Variants in CCDC180 observed in about 807,000 individuals in gnomAD.
CCDC180 encodes the protein coiled-coil domain containing 180.
CCDC180 carries 154 observed loss-of-function variants against 209.2 expected under a neutral mutation model. That is an observed-to-expected ratio of 0.74 (90% CI 0.65 to 0.84). CCDC180 has a LOEUF of 0.84. Among genes scored for constraint, CCDC180 ranks in the 40% least tolerant of loss-of-function variants. The probability of loss-of-function intolerance (pLI) is 0.00; values close to 1 mark genes in which losing one functional copy is unlikely to be tolerated. For missense variants in CCDC180, 1,874 were observed against 1,997.3 expected, an observed-to-expected ratio of 0.94 and a Z score of 1.18; for synonymous variants, 778 against 749.1, an observed-to-expected ratio of 1.04 and a Z score of -0.63.
At chr9:97,307,639 C>A, upstream of CCDC180, 2 of 1,172,256 alleles carry the variant, frequency 1.7e-6, no homozygotes, top group South Asian at 1.3e-5. Context: ...CATTAGAGTT[C>A]CAGTCCCAAC....
intron 22 of CCDC180, among the ~76,000 whole-genome samples, chr9:97,351,610 A>G (rs1012422560): frequency 2.6e-5 from 4 of 152,220 alleles, no homozygotes; most frequent in Non-Finnish European, 5.9e-5. Context: ...CAGATTGTAT[A>G]TAAAGTACAA....
At position 97,314,747 on chromosome 9, in the gene CCDC180, G is replaced by C. The variant is rs1209064992; in HGVS notation, c.699+19G>C. ...CGATAAAGTAAGTCGGCTGCAGGTG[G>C]GCTGTGTGGTGACTGTCACTTGCCG... On this transcript the variant is annotated intron_variant, in intron 7 of 36. Coordinates refer to ENST00000529487, the MANE Select transcript of CCDC180 (RefSeq NM_020893.6). 1 of 1,610,360 alleles carries C rather than the reference G, an allele frequency of 6.2e-7. No homozygotes were observed. Among genetic ancestry groups the C allele is most frequent in the South Asian group, 1.1e-5 (1 of 90,878 alleles).
chr9:97,314,225 C>T (rs1833081254), intron 5 of CCDC180, among the ~76,000 whole-genome samples, 168 bp from the exon 6 acceptor site: 1 of 152,220 alleles, frequency 6.6e-6, no homozygotes, highest in South Asian at 2.1e-4. Context: ...CAGCGCAGAG[C>T]GTGTGGCGTG....
chr9:97,368,114 G>A (rs1244745090), intron 31 of CCDC180, among the ~76,000 whole-genome samples: 2 of 152,136 alleles, frequency 1.3e-5, no homozygotes, highest in Admixed American at 6.5e-5. Context: ...CCTGCAGCTT[G>A]GCAGGCTAAT....
chr9:97,347,319 G>A lies in CCDC180; in HGVS notation c.2504G>A (p.Arg835Gln), dbSNP rs1030940558. The A allele has an allele frequency of 6.5e-6, 10 of 1,535,806 alleles. No homozygotes were observed. Among genetic ancestry groups the A allele is most frequent in the South Asian group, 2.4e-5 (2 of 84,026 alleles). The stretch of plus-strand genomic sequence containing the variant: ...CTGGCTGGTCTCGCCCTCAGACTTC[G>A]AGCTGGCTTCTTCGAGCACCTTGAG... ...RLILEIKKQL[R>Q]AGFFEHLEKW... The change falls in exon 20 of 37, where the codon CGA becomes CAA. Residue 835 changes from arginine to glutamine, a missense_variant. Transcript: ENST00000529487.
chr9:97,325,317 G>A (rs1227822444), intron 14 of CCDC180, 125 bp downstream of exon 14: 9 of 991,656 alleles, frequency 9.1e-6, no homozygotes, highest in Admixed American at 7.7e-5. Context: ...TGAGGCTCAC[G>A]TTGGTCATGG....
rs780726058 is a variant in CCDC180, at chr9:97,330,157, T to G, written c.1792T>G (p.Leu598Val). The change falls in exon 17 of 37, where the codon TTG becomes GTG. Residue 598 changes from leucine to valine, a missense_variant. Physicochemically the swap from Leu to Val is conservative, Grantham distance 32. Coordinates refer to ENST00000529487, the MANE Select transcript of CCDC180 (RefSeq NM_020893.6). ...FFVREIFEQNLAGEVIFKFRQ... is the reference protein window; with the variant it reads ...FFVREIFEQNVAGEVIFKFRQ... ...GACTCTTGGTTTTTCCTTGTAGAAC[T>G]TGGCTGGAGAAGTCATTTTCAAATT... The G allele has an allele frequency of 5.6e-6, 9 of 1,613,648 alleles. No homozygotes were observed. In the East Asian group the frequency reaches 1.8e-4, roughly 32 times the overall value.
At chr9:97,363,505 G>T (rs758858057) in intron 28 of CCDC180, 1 of 481,638 alleles carries the variant, frequency 2.1e-6, no homozygotes, top group East Asian at 5.7e-5. Context: ...TCTCTGAGAG[G>T]TTACGAAACA....
chr9:97,338,293 G>T (rs532102407), intron 18 of CCDC180, among the ~76,000 whole-genome samples: 37 of 152,150 alleles, frequency 2.4e-4, no homozygotes, highest in Admixed American at 2.6e-4. Flanking sequence ...TCTCTTGTGG[G>T]CATTTAGTGC....
chr9:97,370,506 T>C lies in CCDC180; in HGVS notation c.4351-135T>C, dbSNP rs1013964242. 15 of 996,170 alleles carry C rather than the reference T, an allele frequency of 1.5e-5. No individual in the cohort carries two copies. In the African/African-American group the frequency reaches 2.3e-4, roughly 15 times the overall value. 61.7% of individuals were successfully genotyped at this position (996,170 alleles called of 1,614,324 possible). Reference sequence around the variant, plus strand: ...CCCCTCTTAACCCCTCTGCCACTCTTCTGCCCACCCATCACCCCCACACAC... The same window carrying C: ...CCCCTCTTAACCCCTCTGCCACTCTCCTGCCCACCCATCACCCCCACACAC... On this transcript the variant is annotated intron_variant, in intron 32 of 36. Coordinates refer to ENST00000529487, the MANE Select transcript of CCDC180 (RefSeq NM_020893.6).
At chr9:97,340,425 C>A (rs1826042524) in intron 18 of CCDC180, among the ~76,000 whole-genome samples, 1 of 152,044 alleles carries the variant, frequency 6.6e-6, no homozygotes, top group African/African-American at 2.4e-5. Flanking sequence ...ACGAGCTGTT[C>A]CAGTATAATA....
intron 2 of CCDC180, among the ~76,000 whole-genome samples, chr9:97,309,159 A>T (rs893904904): frequency 6.6e-6 from 1 of 152,218 alleles, no homozygotes; most frequent in Non-Finnish European, 1.5e-5. Context: ...TTGTGATTAT[A>T]AAAAAGGCTG....
intron 18 of CCDC180, among the ~76,000 whole-genome samples, chr9:97,341,536 T>C (rs1464831171): frequency 1.3e-5 from 2 of 152,156 alleles, no homozygotes; most frequent in Non-Finnish European, 2.9e-5. Context: ...TGCTGCCTGA[T>C]CCTTCCTCTG....
intron 3 of CCDC180, among the ~76,000 whole-genome samples, chr9:97,310,452 A>G (rs757657800): frequency 1.3e-5 from 2 of 152,076 alleles, no homozygotes; most frequent in Non-Finnish European, 2.9e-5. Context: ...TTTCTTGTGA[A>G]CTTCCAAATT....
intron 8 of CCDC180, 30 bp downstream of exon 8, chr9:97,314,976 C>A (rs369916925): frequency 1.4e-4 from 214 of 1,571,352 alleles, no homozygotes; most frequent in Middle Eastern, 8.9e-4. Context: ...AGGGATCAGC[C>A]CATGGGAGAA....
In CCDC180 at chr9:97,312,122, A is replaced by G. The variant is rs1327192779; in HGVS notation, c.270A>G (p.Glu90=). 3 of 1,613,988 alleles carry G rather than the reference A, an allele frequency of 1.9e-6. No homozygotes were observed. In the South Asian group the frequency reaches 3.3e-5, roughly 18 times the overall value. The change falls in exon 4 of 37, where the codon GAA becomes GAG. Residue 90 remains glutamate, a synonymous_variant. Coordinates refer to ENST00000529487, the MANE Select transcript of CCDC180 (RefSeq NM_020893.6). ...MENPVLHREK[E]RAKREKARES... is the part of the protein sequence containing the mutation. ...TCTGCTTGTGTCTCAGGGAAAAGGAAAGAGCCAAGAGGGAAAAAGCCCGAG... is the reference window on the plus strand; with the variant it reads ...TCTGCTTGTGTCTCAGGGAAAAGGAGAGAGCCAAGAGGGAAAAAGCCCGAG...
At position 97,325,212 on chromosome 9, in the gene CCDC180, C is replaced by T. The variant is rs1407967704; in HGVS notation, c.1545+20C>T. On this transcript the variant is annotated intron_variant, in intron 14 of 36. Coordinates refer to ENST00000529487, the MANE Select transcript of CCDC180 (RefSeq NM_020893.6). ...AGCCAGGTGAGACCCACACCCGGGG[C>T]TCCATGTTTCACACCACAAACAGCA... 2 of 1,567,924 alleles carry T rather than the reference C, an allele frequency of 1.3e-6. No homozygotes were observed. The highest frequency in any genetic ancestry group is 1.9e-5 in the Admixed American group (1 of 52,182).
At chr9:97,345,148 TGC>T (rs1161088397) in intron 19 of CCDC180, among the ~76,000 whole-genome samples, 14 of 152,344 alleles carry the variant, frequency 9.2e-5, no homozygotes, top group African/African-American at 3.1e-4. Context: ...CCAATAATGT[TGC>T]TCTGAACATT....
intron 3 of CCDC180, among the ~76,000 whole-genome samples, chr9:97,310,291 T>C (rs1322937063): frequency 1.3e-5 from 2 of 152,082 alleles, no homozygotes; most frequent in Admixed American, 6.5e-5. Flanking sequence ...GGGTGTCTCT[T>C]GGAGGCAGAA....
Sources: allele counts gnomAD v4.1 joint callset (sites outside exome capture counted in the v4.1 genomes callset), GRCh38; gene constraint gnomAD v4.1.1; transcripts MANE v1.5; gene names NCBI Gene and HGNC (gene_info 2026-07-23, HGNC 2026-07-21).